The following FRY variants were observed in gnomAD, a reference collection of about 807,000 sequenced individuals.
The protein encoded by FRY is protein furry homolog.
A neutral mutation model predicts 348.4 loss-of-function variants in FRY; 128 were observed. The ratio of observed to expected loss-of-function variants is 0.37; its 90% CI spans 0.32 to 0.43. The LOEUF (loss-of-function observed/expected upper bound fraction) is 0.43. FRY is among the 20% of genes least tolerant of loss of function. FRY has a pLI of 1.00. For missense variants in FRY, 2,736 were observed against 3,695.2 expected, an observed-to-expected ratio of 0.74 and a Z score of 6.73; for synonymous variants, 1,370 against 1,374.7, an observed-to-expected ratio of 1.00 and a Z score of 0.08.
intron 55 of FRY, 42 bp from the exon 56 acceptor site, chr13:32,274,800 T>G (rs778966601): frequency 1.9e-6 from 3 of 1,541,178 alleles, no homozygotes; most frequent in Middle Eastern, 1.7e-4. Context: ...CATATATAAG[T>G]TTAACTTGAC....
Position 32,298,310 on chromosome 13 carries a change from C to G in FRY, c.*2850C>G, listed in dbSNP as rs2072095328. On this transcript the variant is annotated 3_prime_UTR_variant, in exon 61 of 61. Coordinates refer to ENST00000542859, the MANE Select transcript of FRY (RefSeq NM_023037.3). ...ACGTGCTTCCTGATGCCTGCCTTAA[C>G]AACAAAAAATTCGTGTCCATAGGTG... 1 of 152,184 alleles carries G rather than the reference C, an allele frequency of 6.6e-6. No individual in the cohort carries two copies. Among genetic ancestry groups the G allele is most frequent in the Non-Finnish European group, 1.5e-5 (1 of 68,004 alleles). The allele number at this position is 152,184 out of a possible 1,614,324, so 9.4% of individuals were successfully genotyped here.
At chr13:32,142,010 GT>G (rs113549707) in intron 11 of FRY, among the ~76,000 whole-genome samples, 1 of 151,840 alleles carries the variant, frequency 6.6e-6, no homozygotes, top group African/African-American at 2.4e-5. Context: ...CAGAAGAATG[GT>G]TTTTTTTGAT....
rs1457879243 is a variant in FRY at position 32,287,894 on chromosome 13, C to T, written c.8470-1739C>T. 2.2e-6 allele frequency: 3 copies of T among 1,338,248 alleles called. No individual in the cohort carries two copies. The Admixed American group carries it at 5.8e-5, about 26-fold the overall frequency. 82.9% of individuals were successfully genotyped at this position (1,338,248 alleles called of 1,614,324 possible). ...AATGGAATCTCTTGCAGTAAGTTAA[C>T]TTTCTTTCATACTCTTTGTCCATTT... On this transcript the variant is annotated intron_variant, in intron 58 of 60. Coordinates refer to ENST00000542859, the MANE Select transcript of FRY (RefSeq NM_023037.3).
intron 40 of FRY, among the ~76,000 whole-genome samples, chr13:32,228,897 G>T (rs1885759010): frequency 1.3e-5 from 2 of 152,202 alleles, no homozygotes; most frequent in Non-Finnish European, 2.9e-5. Context: ...GATGGGCAAG[G>T]GGATTTTGTG....
At chr13:32,215,244 T>C (rs1884924061) in intron 35 of FRY, among the ~76,000 whole-genome samples, 1 of 152,156 alleles carries the variant, frequency 6.6e-6, no homozygotes, top group Non-Finnish European at 1.5e-5. Flanking sequence ...CAGTAATCTA[T>C]GAAACATTTC....
chr13:32,193,827 A>G (rs1032031241), intron 28 of FRY, among the ~76,000 whole-genome samples: 17 of 152,114 alleles, frequency 1.1e-4, no homozygotes, highest in Admixed American at 5.9e-4. Context: ...ACCTCAGGTA[A>G]TCCACCCACC....
chr13:32,088,090 A>T (rs1474049463), intron 2 of FRY, among the ~76,000 whole-genome samples: 1 of 152,264 alleles, frequency 6.6e-6, no homozygotes, highest in East Asian at 1.9e-4. Flanking sequence ...AATAGCAGAA[A>T]TGCCAGCCTT....
At position 32,298,931 on chromosome 13, in the gene FRY, G is replaced by T. The variant is rs2072105951; in HGVS notation, c.*3471G>T. ...AAGCCACTGAATGTTTGCGGGCAGG[G>T]TAGTGACATGCTGTGACTTATGTTT... On this transcript the variant is annotated 3_prime_UTR_variant, in exon 61 of 61. Transcript: ENST00000542859. The T allele has an allele frequency of 6.6e-6, 1 of 152,218 alleles. No individual in the cohort carries two copies. The highest frequency in any genetic ancestry group is 2.1e-4 in the South Asian group (1 of 4,830). 9.4% of individuals were successfully genotyped at this position (152,218 alleles called of 1,614,324 possible). A position where few individuals can be genotyped will look rare whatever the true frequency, so the allele number is the denominator to read the frequency against.
rs1253524633 is a variant in FRY, at chr13:32,299,095, T to C, written c.*3635T>C. 3 of 152,234 alleles carry C rather than the reference T, an allele frequency of 2.0e-5. No individual in the cohort carries two copies. Among genetic ancestry groups the C allele is most frequent in the African/African-American group, 7.2e-5 (3 of 41,468 alleles). 9.4% of individuals were successfully genotyped at this position (152,234 alleles called of 1,614,324 possible). A position where few individuals can be genotyped will look rare whatever the true frequency, so the allele number is the denominator to read the frequency against. On this transcript the variant is annotated 3_prime_UTR_variant, in exon 61 of 61. Coordinates refer to ENST00000542859, the MANE Select transcript of FRY (RefSeq NM_023037.3). ...TGGTAAATTTTATGTTATATATGTT[T>C]TACCACAATAAAAATAATTTTTTTA...
At chr13:32,185,898 T>C (rs1882998691) in intron 26 of FRY, among the ~76,000 whole-genome samples, 1 of 152,234 alleles carries the variant, frequency 6.6e-6, no homozygotes, top group African/African-American at 2.4e-5. Flanking sequence ...CAGTCTATGC[T>C]ATTTCCGAGT....
At chr13:32,202,780 T>C (rs1361526254) in intron 31 of FRY, among the ~76,000 whole-genome samples, 1 of 152,038 alleles carries the variant, frequency 6.6e-6, no homozygotes, top group Non-Finnish European at 1.5e-5. Flanking sequence ...TGAAACCCTG[T>C]CACTACTAAA....
intron 7 of FRY, among the ~76,000 whole-genome samples, chr13:32,128,733 G>A (rs1055856679): frequency 7.9e-5 from 12 of 152,122 alleles, no homozygotes; most frequent in African/African-American, 2.7e-4. Flanking sequence ...TGGTATAATC[G>A]CTTAAAATGT....
Position 32,214,460 on chromosome 13 carries a change from T to A in FRY, c.4682+2078T>A, listed in dbSNP as rs539259761. On this transcript the variant is annotated intron_variant, in intron 35 of 60. Transcript: ENST00000542859. ...TTTTGAGTGTGTGTGATTTTATTTA[T>A]TTTTTTTAGCTCATCAGCTATTGTG... 2.8e-3 allele frequency among the ~76,000 whole-genome samples: 417 copies of A among 149,470 alleles called. 5 individuals are homozygous for A. The highest frequency in any genetic ancestry group is 0.01 in the African/African-American group (391 of 38,906).
chr13:32,209,849 G>T, intron 33 of FRY, 118 bp downstream of exon 33: 1 of 1,023,208 alleles, frequency 9.8e-7, no homozygotes, highest in Non-Finnish European at 1.5e-6. Context: ...TTAGTCACAT[G>T]AATCTCCTGT....
In FRY at chr13:32,260,909, T is replaced by C. The variant is rs777177469; in HGVS notation, c.7417-707T>C. The stretch of plus-strand genomic sequence containing the variant: ...ACTTTGGGAGGCCGAGGCAGGTGGA[T>C]CATGAGGTCAGGTGATCAAGGCCAG... On this transcript the variant is annotated intron_variant, in intron 51 of 60. Transcript: ENST00000542859. 6.4e-4 allele frequency among the ~76,000 whole-genome samples: 98 copies of C among 152,212 alleles called. 1 individual carries two copies. The highest frequency in any genetic ancestry group is 1.1e-3 in the Non-Finnish European group (74 of 68,042).
At chr13:32,283,075 A>ACTTC (rs1888891126) in intron 58 of FRY, among the ~76,000 whole-genome samples, 1 of 152,058 alleles carries the variant, frequency 6.6e-6, no homozygotes, top group African/African-American at 2.4e-5. Context: ...TGGGAGGCAG[A>ACTTC]AGTTGCAGTG....
chr13:32,125,646 G>T (rs148974262), intron 7 of FRY, among the ~76,000 whole-genome samples: 17 of 152,228 alleles, frequency 1.1e-4, no homozygotes, highest in African/African-American at 4.1e-4. Context: ...ATTGAATTTC[G>T]TAACGTAGTA....
chr13:32,113,367 C>T (rs997374221), intron 3 of FRY, among the ~76,000 whole-genome samples: 1 of 152,176 alleles, frequency 6.6e-6, no homozygotes, highest in Non-Finnish European at 1.5e-5. Flanking sequence ...TGTAAAGTTT[C>T]CTTCTTTGCG....
At chr13:32,055,484 T>G (rs1337286342) in intron 1 of FRY, among the ~76,000 whole-genome samples, 1 of 152,224 alleles carries the variant, frequency 6.6e-6, no homozygotes, top group Non-Finnish European at 1.5e-5. Flanking sequence ...TGGAATCACT[T>G]ATGGAACCTT....
Sources: gnomAD v4.1 joint callset for allele counts (sites outside exome capture counted in the v4.1 genomes callset) on GRCh38, gnomAD v4.1.1 for gene constraint, MANE v1.5 for transcripts, NCBI Gene and HGNC (gene_info 2026-07-23, HGNC 2026-07-21) for gene names.